The following LUZP1 variants were observed in gnomAD, a reference collection of about 807,000 sequenced individuals.
The protein encoded by LUZP1 is leucine zipper protein 1, also known as filamin mechanobinding actin cross-linking protein.
LUZP1 carries 25 observed loss-of-function variants against 71.3 expected under a neutral mutation model. That is an observed-to-expected ratio of 0.35 (90% CI 0.26 to 0.49). LUZP1 has a LOEUF of 0.49. Among genes scored for constraint, LUZP1 ranks in the 20% least tolerant of loss-of-function variants. LUZP1 has a pLI of 0.99. For missense variants in LUZP1, 1,142 were observed against 1,300.8 expected, an observed-to-expected ratio of 0.88 and a Z score of 1.88; for synonymous variants, 481 against 506.4, an observed-to-expected ratio of 0.95 and a Z score of 0.67.
intron 2 of LUZP1, among the ~76,000 whole-genome samples, chr1:23,159,570 A>G (rs1193446056): frequency 2.0e-5 from 3 of 152,238 alleles, no homozygotes; most frequent in Admixed American, 1.3e-4. Context: ...TGAAGAATAC[A>G]TGAGATTATG....
At chr1:23,160,606 A>C (rs1644456506) in intron 2 of LUZP1, among the ~76,000 whole-genome samples, 1 of 152,236 alleles carries the variant, frequency 6.6e-6, no homozygotes, top group Non-Finnish European at 1.5e-5. Context: ...TCTAATAAAA[A>C]GAATCCAAGT....
At position 23,129,065 on chromosome 1, in the gene LUZP1, C is replaced by T. The variant is rs149186686; in HGVS notation, c.-225-19938G>A. 3.2e-3 allele frequency among the ~76,000 whole-genome samples: 484 copies of T among 152,270 alleles called. 2 individuals are homozygous for T. The highest frequency in any genetic ancestry group is 0.011 in the African/African-American group (467 of 41,546). On this transcript the variant is annotated intron_variant, in intron 2 of 4. Coordinates refer to ENST00000302291, the Ensembl canonical transcript of LUZP1. ...AATGAATGTCACAAAGTGCATTTAT[C>T]GATGACATTGCTGAGACTGATATGA...
chr1:23,161,278 A>C (rs983457938), intron 2 of LUZP1, among the ~76,000 whole-genome samples: 2 of 152,214 alleles, frequency 1.3e-5, no homozygotes, highest in African/African-American at 4.8e-5. Flanking sequence ...CTATGAAAGG[A>C]GGCAACAGAA....
At position 23,138,863 on chromosome 1, in the gene LUZP1, T is replaced by C. The variant is rs1229639384; in HGVS notation, c.-225-29736A>G. Among the ~76,000 whole-genome samples the C allele has an allele frequency of 1.4e-4, 21 of 150,182 alleles. No homozygotes were observed. The East Asian group carries it at 3.9e-3, about 28-fold the overall frequency. On this transcript the variant is annotated intron_variant, in intron 2 of 4. Transcript: ENST00000302291. ...AAATACAAAAATTAGCCAGGGATGGTGGCACGTGCCTATAGTCCCAGCTAC... is the reference window on the plus strand; with the variant it reads ...AAATACAAAAATTAGCCAGGGATGGCGGCACGTGCCTATAGTCCCAGCTAC...
At chr1:23,153,407 C>T (rs1053192874) in intron 2 of LUZP1, among the ~76,000 whole-genome samples, 1 of 152,120 alleles carries the variant, frequency 6.6e-6, no homozygotes, top group African/African-American at 2.4e-5. Flanking sequence ...CCTCTTCAAC[C>T]TCTATCCATC....
chr1:23,134,665 C>T (rs1364594347), intron 2 of LUZP1, among the ~76,000 whole-genome samples: 1 of 152,102 alleles, frequency 6.6e-6, no homozygotes, highest in African/African-American at 2.4e-5. Flanking sequence ...CCTCTGGTCC[C>T]AGCTACTTGG....
At chr1:23,117,174 C>G (rs1644085939) in intron 2 of LUZP1, among the ~76,000 whole-genome samples, 1 of 152,086 alleles carries the variant, frequency 6.6e-6, no homozygotes, top group South Asian at 2.1e-4. Context: ...TGCCTGCTGC[C>G]CTGGCAACAT....
intron 2 of LUZP1, among the ~76,000 whole-genome samples, chr1:23,136,345 G>C: frequency 8.1e-6 from 1 of 123,124 alleles, no homozygotes; most frequent in Non-Finnish European, 1.7e-5. Flanking sequence ...CACACACAGA[G>C]GGTCCTTCAT....
chr1:23,114,192 T>C (rs1450712058), intron 2 of LUZP1, among the ~76,000 whole-genome samples: 2 of 152,154 alleles, frequency 1.3e-5, no homozygotes, highest in Admixed American at 6.5e-5. Context: ...ATCAGAAAAA[T>C]TGGTATCAGA....
chr1:23,095,418 T>C (rs946884398), intron 3 of LUZP1, among the ~76,000 whole-genome samples: 2 of 152,146 alleles, frequency 1.3e-5, no homozygotes, highest in Admixed American at 6.5e-5. Context: ...GTTGATCACA[T>C]AGAAAGTAAG....
intron 2 of LUZP1, among the ~76,000 whole-genome samples, chr1:23,146,990 G>A (rs565256083): frequency 1.4e-4 from 22 of 151,912 alleles, no homozygotes; most frequent in Non-Finnish European, 2.2e-4. Flanking sequence ...CCAACTACTC[G>A]GGAGGCTGAG....
At chr1:23,168,977 T>G (rs1459587154) in exon 2 of LUZP1, 3 of 152,062 alleles carry the variant, frequency 2.0e-5, no homozygotes, top group Non-Finnish European at 2.9e-5. Context: ...GGACTTAGAC[T>G]CCACCAAGTT....
chr1:23,104,265 C>T (rs941086165), intron 3 of LUZP1, among the ~76,000 whole-genome samples: 2 of 151,554 alleles, frequency 1.3e-5, no homozygotes, highest in Non-Finnish European at 2.9e-5. Flanking sequence ...CTGCAACCTT[C>T]GTTTGCTGGG....
At chr1:23,124,704 ACAT>A (rs1490073219) in intron 2 of LUZP1, among the ~76,000 whole-genome samples, 1 of 152,190 alleles carries the variant, frequency 6.6e-6, no homozygotes, top group Non-Finnish European at 1.5e-5. Flanking sequence ...AGAAAGATTA[ACAT>A]CATTTTGGGG....
chr1:23,119,251 C>CTTTTT lies in LUZP1; in HGVS notation c.-225-10129_-225-10125dup, dbSNP rs35522356. ...TTTTAACGACCTGATGTGACTAGCTCTTTTTTTTTTTTTTTTTTTTTTTTT... is the reference window on the plus strand; with the variant it reads ...TTTTAACGACCTGATGTGACTAGCTCTTTTTTTTTTTTTTTTTTTTTTTTTTTTTT... On this transcript the variant is annotated intron_variant, in intron 2 of 4. Transcript: ENST00000302291. Among the ~76,000 whole-genome samples the CTTTTT allele has an allele frequency of 5.7e-3, 401 of 70,024 alleles. 17 individuals carry two copies. The highest frequency in any genetic ancestry group is 6.5e-3 in the Non-Finnish European group (262 of 40,188). 45.9% of individuals were successfully genotyped at this position (70,024 alleles called of 152,430 possible).
chr1:23,140,656 G>C (rs1644295857), intron 2 of LUZP1: 1 of 152,286 alleles, frequency 6.6e-6, no homozygotes, highest in Non-Finnish European at 1.5e-5. Flanking sequence ...TGGTGTGCAA[G>C]ACAGGCATGC....
At chr1:23,092,101 C>G (rs757002468) in exon 4 of LUZP1, 2 of 1,614,178 alleles carry the variant, frequency 1.2e-6, no homozygotes. Flanking sequence ...GAGGCTCTGA[C>G]AGATTTCACA....
intron 2 of LUZP1, among the ~76,000 whole-genome samples, chr1:23,165,568 C>G (rs1360919978): frequency 6.6e-6 from 1 of 151,752 alleles, no homozygotes; most frequent in Non-Finnish European, 1.5e-5. Flanking sequence ...CCCAGCTTCT[C>G]AGAAGGCTGA....
At chr1:23,092,884 A>C in exon 4 of LUZP1, 1 of 1,613,726 alleles carries the variant, frequency 6.2e-7, no homozygotes, top group Non-Finnish European at 8.5e-7. Flanking sequence ...TCGCTCTGGG[A>C]GGAGCCGGGT....
Sources: allele counts gnomAD v4.1 joint callset (sites outside exome capture counted in the v4.1 genomes callset), GRCh38; gene constraint gnomAD v4.1.1; transcripts MANE v1.5; gene names NCBI Gene and HGNC (gene_info 2026-07-23, HGNC 2026-07-21).